SLCO1B1: variants seen among roughly 807,000 people sequenced by gnomAD.
The protein encoded by SLCO1B1 is OATP-2.
Under a neutral mutation model 70.1 loss-of-function variants are expected in SLCO1B1, and 81 were observed. The observed-to-expected ratio is 1.16, with a 90% CI of 0.97 to 1.39. The LOEUF is 1.39. SLCO1B1 is among the 40% of genes most tolerant of loss of function. The pLI is 0.00. For synonymous variants in SLCO1B1, 283 were observed against 271.5 expected (o/e 1.04, Z -0.42); for missense variants, 895 against 799.6 (o/e 1.12, Z -1.44).
At chr12:21,136,909 G>T (rs1415595989) in intron 1 of SLCO1B1, among the ~76,000 whole-genome samples, 4 of 152,128 alleles carry the variant, frequency 2.6e-5, no homozygotes, top group Admixed American at 2.0e-4. Context: ...GAGGCGCTCT[G>T]ATCTTTAGAG....
intron 1 of SLCO1B1, among the ~76,000 whole-genome samples, chr12:21,136,256 C>T (rs1940219761): frequency 6.6e-6 from 1 of 152,086 alleles, no homozygotes; most frequent in Non-Finnish European, 1.5e-5. Context: ...CTCTGGCTGC[C>T]CTTAATATTT....
chr12:21,184,304 T>C (rs1940939027), intron 7 of SLCO1B1, among the ~76,000 whole-genome samples: 1 of 152,136 alleles, frequency 6.6e-6, no homozygotes, highest in East Asian at 1.9e-4. Context: ...ACTCATTAGA[T>C]TCCCCAAAGT....
intron 1 of SLCO1B1, among the ~76,000 whole-genome samples, chr12:21,133,480 T>C (rs1940170808): frequency 6.6e-6 from 1 of 152,132 alleles, no homozygotes; most frequent in Non-Finnish European, 1.5e-5. Flanking sequence ...AATGTTCTTC[T>C]ATTTGTTCGT....
chr12:21,173,083 A>AT (rs1293012345), intron 3 of SLCO1B1, among the ~76,000 whole-genome samples: 1 of 152,108 alleles, frequency 6.6e-6, no homozygotes, highest in Admixed American at 6.6e-5. Context: ...ACACAAATTC[A>AT]TTTTTTGCAA....
At chr12:21,143,172 G>A (rs1374662627) in intron 2 of SLCO1B1, among the ~76,000 whole-genome samples, 1 of 151,988 alleles carries the variant, frequency 6.6e-6, no homozygotes, top group Non-Finnish European at 1.5e-5. Context: ...TTGCATTTCT[G>A]AGCTTACTTT....
chr12:21,170,778 T>G (rs909882615), intron 2 of SLCO1B1, among the ~76,000 whole-genome samples: 1 of 152,236 alleles, frequency 6.6e-6, no homozygotes, highest in Non-Finnish European at 1.5e-5. Flanking sequence ...TCTTTTGAAT[T>G]CCTTTTATCT....
chr12:21,132,405 C>T (rs12810986), intron 1 of SLCO1B1, among the ~76,000 whole-genome samples: 247 of 152,254 alleles, frequency 1.6e-3, no homozygotes, highest in Admixed American at 2.6e-3. Flanking sequence ...CCTGAGGAAT[C>T]GCCACACTGT....
At chr12:21,137,804 G>A (rs889313474) in intron 1 of SLCO1B1, among the ~76,000 whole-genome samples, 19 of 152,174 alleles carry the variant, frequency 1.2e-4, no homozygotes, top group Admixed American at 2.6e-4. Context: ...GCAATGCCTC[G>A]CCCTGCTTTG....
chr12:21,239,373 C>T lies in SLCO1B1; in HGVS notation c.*184C>T. ...ACTGTAGGTAGAAAAAATGAGAGTA[C>T]TCATTGTTACATTATAGCTACATAT... On this transcript the variant is annotated 3_prime_UTR_variant, in exon 15 of 15. Coordinates refer to ENST00000256958, the MANE Select transcript of SLCO1B1 (RefSeq NM_006446.5). 2 of 570,836 alleles carry T rather than the reference C, an allele frequency of 3.5e-6. No individual in the cohort carries two copies. The highest frequency in any genetic ancestry group is 2.8e-5 in the Admixed American group (1 of 35,574). 35.4% of individuals were successfully genotyped at this position (570,836 alleles called of 1,614,324 possible).
At chr12:21,179,911 C>T (rs990636560) in intron 7 of SLCO1B1, among the ~76,000 whole-genome samples, 1 of 152,022 alleles carries the variant, frequency 6.6e-6, no homozygotes, top group Non-Finnish European at 1.5e-5. Flanking sequence ...TCTTTAGAAC[C>T]AAGCACCTAG....
intron 7 of SLCO1B1, among the ~76,000 whole-genome samples, chr12:21,179,431 G>A (rs1940865688): frequency 6.6e-6 from 1 of 152,088 alleles, no homozygotes; most frequent in Non-Finnish European, 1.5e-5. Flanking sequence ...GGAGTCATTT[G>A]AGAGACTTCA....
At chr12:21,136,029 G>C (rs1940215841) in intron 1 of SLCO1B1, among the ~76,000 whole-genome samples, 1 of 152,114 alleles carries the variant, frequency 6.6e-6, no homozygotes, top group Non-Finnish European at 1.5e-5. Flanking sequence ...GGGCAGGCCT[G>C]GTGGTGACAA....
chr12:21,151,924 G>T (rs1293533882), intron 2 of SLCO1B1, among the ~76,000 whole-genome samples: 1 of 151,480 alleles, frequency 6.6e-6, no homozygotes, highest in Non-Finnish European at 1.5e-5. Flanking sequence ...TCTGTGGTTT[G>T]TTGTCTGATA....
At chr12:21,148,298 A>C (rs1362461878) in intron 2 of SLCO1B1, among the ~76,000 whole-genome samples, 1 of 152,038 alleles carries the variant, frequency 6.6e-6, no homozygotes. Flanking sequence ...CTATGTCCTG[A>C]ATGGTATTGC....
intron 11 of SLCO1B1, among the ~76,000 whole-genome samples, chr12:21,215,001 G>A (rs1941341073): frequency 6.6e-6 from 1 of 152,122 alleles, no homozygotes; most frequent in Non-Finnish European, 1.5e-5. Context: ...ACCTCAGATG[G>A]AAATGCAGAA....
Position 21,196,966 on chromosome 12 carries a change from A to G in SLCO1B1, c.748A>G (p.Thr250Ala), listed in dbSNP as rs761888062. ...TCTAGGCACTATCAGGATAACTCCT[A>G]CTGATTCTCGATGGGTTGGAGCTTG... is the stretch of plus-strand genomic sequence containing the variant. The part of the protein sequence containing the change: ...VDLSTIRITP[T>A]DSRWVGAWWL... Residue 250 changes from threonine (T) to alanine (A), a missense_variant, in exon 8 of 15, where the codon ACT (threonine) becomes GCT (alanine). Thr to Ala is a moderately conservative substitution (Grantham distance 58, BLOSUM62 0). Transcript: ENST00000256958. 6.2e-7 allele frequency: 1 copy of G among 1,613,412 alleles called. No homozygotes were observed. The highest frequency in any genetic ancestry group is 1.3e-5 in the African/African-American group (1 of 74,972).
At chr12:21,209,060 ATTTAT>A (rs1229145427) in intron 11 of SLCO1B1, among the ~76,000 whole-genome samples, 1 of 150,304 alleles carries the variant, frequency 6.7e-6, no homozygotes, top group African/African-American at 2.4e-5. Context: ...TAATTAATTT[ATTTAT>A]TTTTAATTAT....
chr12:21,143,643 A>G (rs1009471923), intron 2 of SLCO1B1, among the ~76,000 whole-genome samples: 3 of 152,050 alleles, frequency 2.0e-5, no homozygotes, highest in Admixed American at 6.6e-5. Flanking sequence ...AAAGTTGGTA[A>G]TTGGTACACT....
chr12:21,210,779 G>C (rs11519275), intron 11 of SLCO1B1, among the ~76,000 whole-genome samples: 33,392 of 144,072 alleles, frequency 0.23, 4,054 homozygotes, highest in East Asian at 0.42. Context: ...CCTTCACATC[G>C]CTTGTAAGTT....
Sources: gnomAD v4.1 joint callset for allele counts (sites outside exome capture counted in the v4.1 genomes callset) on GRCh38, gnomAD v4.1.1 for gene constraint, MANE v1.5 for transcripts, NCBI Gene and HGNC (gene_info 2026-07-23, HGNC 2026-07-21) for gene names.